Variants in FBXL17 observed in about 807,000 individuals in gnomAD.
FBXL17 encodes the protein F-box and leucine rich repeat protein 17.
Under a neutral mutation model 66.2 loss-of-function variants are expected in FBXL17, and 22 were observed. The ratio of observed to expected loss-of-function variants is 0.33; its 90% CI spans 0.24 to 0.47. The LOEUF is 0.47. Ranked by LOEUF, FBXL17 falls within the 20% of genes least tolerant of loss-of-function variation. The pLI is 1.00. For missense variants in FBXL17, 878 were observed against 948.2 expected, an observed-to-expected ratio of 0.93 and a Z score of 0.97; for synonymous variants, 474 against 400.5, an observed-to-expected ratio of 1.18 and a Z score of -2.19.
chr5:108,010,474 T>TAG lies in FBXL17; in HGVS notation c.1822+10450_1822+10451insCT, dbSNP rs141435398. Reference sequence around the variant, plus strand: ...TAAAACCTGTGTGGAGGGGCTGACTTTGCTGAGTTGTAATGAGAAGGCTGG... The same window carrying TAG: ...TAAAACCTGTGTGGAGGGGCTGACTTAGTGCTGAGTTGTAATGAGAAGGCTGG... On this transcript the variant is annotated intron_variant, in intron 7 of 8. Coordinates refer to ENST00000542267, the MANE Select transcript of FBXL17 (RefSeq NM_001163315.3). Among the ~76,000 whole-genome samples the TAG allele has an allele frequency of 7.8e-3, 1,192 of 152,196 alleles. 12 individuals are homozygous for TAG. The highest frequency in any genetic ancestry group is 0.026 in the African/African-American group (1,084 of 41,528).
At chr5:107,959,465 G>C (rs938420296) in intron 7 of FBXL17, among the ~76,000 whole-genome samples, 2 of 150,712 alleles carry the variant, frequency 1.3e-5, no homozygotes, top group African/African-American at 2.5e-5. Context: ...TACATATGTT[G>C]TGTTGTGCCC....
intron 4 of FBXL17, among the ~76,000 whole-genome samples, chr5:108,296,392 A>G (rs1758351858): frequency 6.6e-6 from 1 of 151,934 alleles, no homozygotes; most frequent in South Asian, 2.1e-4. Context: ...ATGCCAATTT[A>G]GTTTCTTAAA....
At chr5:107,957,993 G>A (rs528661906) in intron 7 of FBXL17, among the ~76,000 whole-genome samples, 1 of 152,220 alleles carries the variant, frequency 6.6e-6, no homozygotes, top group South Asian at 2.1e-4. Context: ...GAGGCCCAGT[G>A]TCCAAGTAAT....
intron 3 of FBXL17, among the ~76,000 whole-genome samples, chr5:108,360,217 A>G (rs1398652145): frequency 1.3e-5 from 2 of 151,978 alleles, no homozygotes; most frequent in East Asian, 3.9e-4. Flanking sequence ...ATTACCATCT[A>G]GCATCTTATT....
At chr5:107,934,562 T>C (rs545452851) in intron 7 of FBXL17, among the ~76,000 whole-genome samples, 2 of 152,302 alleles carry the variant, frequency 1.3e-5, no homozygotes, top group Non-Finnish European at 2.9e-5. Flanking sequence ...GTTACTTTTT[T>C]ACTTTCTTTC....
At position 108,056,384 on chromosome 5, in the gene FBXL17, G is replaced by GTAGTGGGGAATAA. The variant is rs1376127433; in HGVS notation, c.1746-35396_1746-35384dup. ...CAAAAGCTTGTGTTTCTTACAACAG[G>GTAGTGGGGAATAA]TAGTGGGGAATAATTTGTCTGTAAT... On this transcript the variant is annotated intron_variant, in intron 6 of 8. Coordinates refer to ENST00000542267, the MANE Select transcript of FBXL17 (RefSeq NM_001163315.3). Among the ~76,000 whole-genome samples, 3 of 152,306 alleles carry GTAGTGGGGAATAA rather than the reference G, an allele frequency of 2.0e-5. No individual in the cohort carries two copies. In the East Asian group the frequency reaches 5.8e-4, roughly 29 times the overall value.
At chr5:108,208,719 T>G (rs1330148865) in intron 5 of FBXL17, among the ~76,000 whole-genome samples, 19 of 152,216 alleles carry the variant, frequency 1.2e-4, no homozygotes, top group Admixed American at 1.2e-3. Flanking sequence ...TGTACCCTTA[T>G]AGTATAGTTT....
intron 7 of FBXL17, among the ~76,000 whole-genome samples, chr5:107,938,024 G>A (rs960302412): frequency 2.2e-4 from 33 of 152,130 alleles, no homozygotes; most frequent in Admixed American, 4.6e-4. Context: ...AGCATCACAT[G>A]TGAGTAATAC....
chr5:108,367,660 T>C (rs1273637782), intron 2 of FBXL17, among the ~76,000 whole-genome samples, 171 bp downstream of exon 2: 1 of 152,170 alleles, frequency 6.6e-6, no homozygotes, highest in Non-Finnish European at 1.5e-5. Flanking sequence ...ACTATGAGAA[T>C]CTAGCTTTAC....
intron 7 of FBXL17, among the ~76,000 whole-genome samples, chr5:107,951,208 A>C (rs1327540826): frequency 3.9e-5 from 6 of 152,184 alleles, no homozygotes; most frequent in Non-Finnish European, 8.8e-5. Flanking sequence ...ACATGGCATA[A>C]ACACATTTTC....
In FBXL17 at chr5:108,381,270, C is replaced by A; in HGVS notation, c.422G>T (p.Cys141Phe). 1.4e-6 allele frequency: 2 copies of A among 1,423,430 alleles called. No individual in the cohort carries two copies. Among genetic ancestry groups the A allele is most frequent in the South Asian group, 1.4e-5 (1 of 70,402 alleles). 88.2% of individuals were successfully genotyped at this position (1,423,430 alleles called of 1,614,324 possible). A position where few individuals can be genotyped will look rare whatever the true frequency, so the allele number is the denominator to read the frequency against. ...GGCCGCAGCCAGCCCCAACTCTTTGCAGCAGGAGGCGGGCGACGAAGCCGA... is the reference window on the plus strand; with the variant it reads ...GGCCGCAGCCAGCCCCAACTCTTTGAAGCAGGAGGCGGGCGACGAAGCCGA... ...AASASSPASCCKELGLAAAAA... is the reference protein window; with the variant it reads ...AASASSPASCFKELGLAAAAA... Residue 141 changes from cysteine (C) to phenylalanine (F), a missense_variant, in exon 1 of 9, where the codon TGC (cysteine) becomes TTC (phenylalanine). Around this residue, in one of 4 missense-constraint regions of FBXL17, gnomAD observed 605 missense variants for 509.5 expected, o/e 1.19. Coordinates refer to ENST00000542267, the MANE Select transcript of FBXL17 (RefSeq NM_001163315.3).
intron 7 of FBXL17, among the ~76,000 whole-genome samples, chr5:108,016,930 T>C (rs865979056): frequency 2.0e-5 from 3 of 151,972 alleles, no homozygotes; most frequent in South Asian, 2.1e-4. Context: ...CAGGCATGCG[T>C]CACCACGCTC....
chr5:107,871,494 T>A (rs1748452859), intron 8 of FBXL17, among the ~76,000 whole-genome samples: 1 of 152,188 alleles, frequency 6.6e-6, no homozygotes, highest in African/African-American at 2.4e-5. Flanking sequence ...TCATTCCCTG[T>A]ATCACCAAGC....
intron 7 of FBXL17, among the ~76,000 whole-genome samples, chr5:108,010,357 T>G (rs1240648159): frequency 6.6e-6 from 1 of 152,176 alleles, no homozygotes; most frequent in African/African-American, 2.4e-5. Flanking sequence ...GTCCCACCTC[T>G]AACTTCTCCA....
chr5:107,902,136 T>C (rs1277211306), intron 7 of FBXL17, among the ~76,000 whole-genome samples: 1 of 152,170 alleles, frequency 6.6e-6, no homozygotes, highest in Non-Finnish European at 1.5e-5. Flanking sequence ...GAATCTCTGT[T>C]CTAATTGTTT....
intron 4 of FBXL17, among the ~76,000 whole-genome samples, chr5:108,326,136 C>T (rs1561530650): frequency 3.3e-5 from 5 of 152,124 alleles, no homozygotes. Flanking sequence ...ATAAATTGAG[C>T]TTCATCAAAG....
At chr5:108,252,715 G>C (rs1756408642) in intron 4 of FBXL17, among the ~76,000 whole-genome samples, 1 of 152,066 alleles carries the variant, frequency 6.6e-6, no homozygotes, top group African/African-American at 2.4e-5. Context: ...TTCAGTTTGA[G>C]GGCAAAATGT....
Position 108,181,267 on chromosome 5 carries a change from G to A in FBXL17, c.1745+4850C>T, listed in dbSNP as rs78206894. ...CTTAGAATCAGGGAGTGGATGAGACGTAATAACCAGATGTTTAATTTAAAT... is the reference window on the plus strand; with the variant it reads ...CTTAGAATCAGGGAGTGGATGAGACATAATAACCAGATGTTTAATTTAAAT... On this transcript the variant is annotated intron_variant, in intron 6 of 8. Transcript: ENST00000542267. 0.02 allele frequency among the ~76,000 whole-genome samples: 3,111 copies of A among 152,196 alleles called. 214 individuals are homozygous for A. In the East Asian group the frequency reaches 0.24, roughly 12 times the overall value.
chr5:107,909,590 C>A (rs1749882658), intron 7 of FBXL17, among the ~76,000 whole-genome samples: 1 of 152,168 alleles, frequency 6.6e-6, no homozygotes, highest in African/African-American at 2.4e-5. Context: ...TATCCTGCAT[C>A]ATAAGCTTAA....
Sources: gnomAD v4.1 joint callset for allele counts (sites outside exome capture counted in the v4.1 genomes callset) on GRCh38, gnomAD v4.1.1 for gene constraint, gnomAD v4.1.1 regional missense constraint, MANE v1.5 for transcripts, NCBI Gene and HGNC (gene_info 2026-07-23, HGNC 2026-07-21) for gene names.